MS4A4E: variants seen among roughly 807,000 people sequenced by gnomAD.
MS4A4E encodes membrane spanning 4-domains A4E.
A neutral mutation model predicts 13.3 loss-of-function variants in MS4A4E; 23 were observed. That is an observed-to-expected ratio of 1.73 (90% CI 1.25 to 2.45). The LOEUF (loss-of-function observed/expected upper bound fraction) is 2.45. Ranked by LOEUF, MS4A4E falls within the 30% of genes most tolerant of loss-of-function variation. The pLI, the probability that MS4A4E is intolerant of heterozygous loss-of-function variation, is 0.00. For missense variants in MS4A4E, 144 were observed against 131.2 expected, an observed-to-expected ratio of 1.10 and a Z score of -0.48; for synonymous variants, 36 against 45.6, an observed-to-expected ratio of 0.79 and a Z score of 0.85.
chr11:60,236,800 G>A (rs2084489288), intron 1 of MS4A4E, among the ~76,000 whole-genome samples: 1 of 151,314 alleles, frequency 6.6e-6, no homozygotes, highest in Admixed American at 6.6e-5. Flanking sequence ...GCAGTGGTGT[G>A]ATCTCAGCTC....
At chr11:60,238,852 A>G (rs1412543034) in intron 1 of MS4A4E, among the ~76,000 whole-genome samples, 1 of 152,234 alleles carries the variant, frequency 6.6e-6, no homozygotes, top group Non-Finnish European at 1.5e-5. Flanking sequence ...ATCCTACTGA[A>G]ACTATTCCTA....
intron 3 of MS4A4E, among the ~76,000 whole-genome samples, chr11:60,225,480 C>G (rs1408475148): frequency 6.6e-6 from 1 of 151,902 alleles, no homozygotes; most frequent in East Asian, 1.9e-4. Flanking sequence ...GGAGTGTATA[C>G]AAGGGAAGAA....
chr11:60,238,072 T>G lies in MS4A4E; in HGVS notation c.-17+4886A>C, dbSNP rs182531060. 1.4e-3 allele frequency among the ~76,000 whole-genome samples: 214 copies of G among 151,732 alleles called. 2 individuals are homozygous for G. The highest frequency in any genetic ancestry group is 5.0e-3 in the African/African-American group (207 of 41,420). On this transcript the variant is annotated intron_variant, in intron 1 of 8. Transcript: ENST00000651255. ...TAATCTTTTTTACATGTTGCCGAAT[T>G]CTGCTTGCTAATTTTTTTTTAGCAT...
At position 60,230,014 on chromosome 11, in the gene MS4A4E, A is replaced by T; in HGVS notation, c.42T>A (p.Ala14=). 1 of 1,613,120 alleles carries T rather than the reference A, an allele frequency of 6.2e-7. No homozygotes were observed. Among genetic ancestry groups the T allele is most frequent in the Non-Finnish European group, 8.5e-7 (1 of 1,179,516 alleles). Residue 14 remains alanine (A), a synonymous_variant, in exon 2 of 9, where the codon GCT becomes GCA. Coordinates refer to ENST00000651255, the MANE Select transcript of MS4A4E (RefSeq NM_001393391.1). ...MQGMEQTTPG[A]GPDVPQLGNI... is the part of the protein sequence containing the mutation. Reference sequence around the variant, plus strand: ...TTCCCAGCTGGGGCACATCAGGGCCAGCCCCTGGAGTGGTCTGTTCCATTC... The same window carrying T: ...TTCCCAGCTGGGGCACATCAGGGCCTGCCCCTGGAGTGGTCTGTTCCATTC...
chr11:60,234,251 T>C (rs2084451867), intron 1 of MS4A4E, among the ~76,000 whole-genome samples: 1 of 152,198 alleles, frequency 6.6e-6, no homozygotes, highest in African/African-American at 2.4e-5. Context: ...ACTTTAGACT[T>C]GATGCTAGAA....
chr11:60,236,563 T>C (rs2084485627), intron 1 of MS4A4E, among the ~76,000 whole-genome samples: 1 of 152,132 alleles, frequency 6.6e-6, no homozygotes, highest in South Asian at 2.1e-4. Flanking sequence ...GAGATTGTTG[T>C]CTTAATTTCA....
chr11:60,204,496 T>C (rs2084017039), intron 8 of MS4A4E, among the ~76,000 whole-genome samples: 1 of 152,186 alleles, frequency 6.6e-6, no homozygotes, highest in African/African-American at 2.4e-5. Flanking sequence ...ACATTTCCAA[T>C]CAAATTACTC....
intron 5 of MS4A4E, among the ~76,000 whole-genome samples, chr11:60,211,146 T>C (rs2084116210): frequency 6.6e-6 from 1 of 152,180 alleles, no homozygotes; most frequent in African/African-American, 2.4e-5. Flanking sequence ...AAAAGTAAGG[T>C]TCTTCTTCGG....
chr11:60,220,230 T>C (rs767847749), intron 3 of MS4A4E, among the ~76,000 whole-genome samples: 10 of 152,332 alleles, frequency 6.6e-5, no homozygotes, highest in Non-Finnish European at 1.3e-4. Context: ...AGAAGACAGA[T>C]GGATCTTGGA....
intron 3 of MS4A4E, among the ~76,000 whole-genome samples, chr11:60,216,038 AATACAAACTTAC>A (rs1039268223): frequency 2.4e-4 from 37 of 152,352 alleles, no homozygotes; most frequent in African/African-American, 8.9e-4. Context: ...GGCCAAGGAT[AATACAAACTTAC>A]AGCTGGCTCT....
At chr11:60,229,798 C>T (rs940438990) in intron 2 of MS4A4E, 114 bp downstream of exon 2, 2 of 1,018,050 alleles carry the variant, frequency 2.0e-6, no homozygotes, top group South Asian at 1.7e-5. Flanking sequence ...TCTGATGTTA[C>T]TAGGGCTGGT....
At chr11:60,230,337 T>G (rs2084393298) in intron 1 of MS4A4E, among the ~76,000 whole-genome samples, 1 of 152,008 alleles carries the variant, frequency 6.6e-6, no homozygotes, top group African/African-American at 2.4e-5. Context: ...TTAGAGAAAT[T>G]TCTTCAACTT....
chr11:60,201,416 G>A lies in MS4A4E; in HGVS notation c.*127C>T, dbSNP rs928110284. The A allele has an allele frequency of 5.0e-6, 1 of 198,478 alleles. No homozygotes were observed. Among genetic ancestry groups the A allele is most frequent in the Non-Finnish European group, 1.0e-5 (1 of 96,882 alleles). 12.3% of individuals were successfully genotyped at this position (198,478 alleles called of 1,614,324 possible). On this transcript the variant is annotated 3_prime_UTR_variant, in exon 9 of 9. Coordinates refer to ENST00000651255, the MANE Select transcript of MS4A4E (RefSeq NM_001393391.1). The stretch of plus-strand genomic sequence containing the variant: ...AGACGGGGCGGTTGCCAGGCGGAGG[G>A]TCTCCTCCCTTCTCAGATGGGGCGG...
intron 1 of MS4A4E, among the ~76,000 whole-genome samples, chr11:60,236,529 GT>G (rs2084484827): frequency 1.3e-5 from 2 of 151,350 alleles, no homozygotes; most frequent in South Asian, 4.2e-4. Context: ...GATAAATTTT[GT>G]TCTATTTGAA....
At chr11:60,214,526 T>C in intron 4 of MS4A4E, 45 bp downstream of exon 4, 1 of 1,365,232 alleles carries the variant, frequency 7.3e-7, no homozygotes, top group Non-Finnish European at 9.8e-7. Context: ...AATACATTAT[T>C]GATTAATCCT....
chr11:60,231,391 A>C (rs1360514519), intron 1 of MS4A4E, among the ~76,000 whole-genome samples: 2 of 152,096 alleles, frequency 1.3e-5, no homozygotes, highest in Non-Finnish European at 2.9e-5. Context: ...TAAGAATGTA[A>C]CCAAAAAGTC....
intron 3 of MS4A4E, among the ~76,000 whole-genome samples, chr11:60,218,564 G>A (rs557766765): frequency 1.3e-5 from 2 of 151,996 alleles, no homozygotes; most frequent in Non-Finnish European, 2.9e-5. Flanking sequence ...GCCAGCCAAC[G>A]CTTAGGGAAA....
At chr11:60,229,034 C>T (rs1249635476) in intron 2 of MS4A4E, among the ~76,000 whole-genome samples, 1 of 152,184 alleles carries the variant, frequency 6.6e-6, no homozygotes, top group Non-Finnish European at 1.5e-5. Flanking sequence ...GATTTGTGTA[C>T]TTTGAGTAAT....
rs111492528 is a variant in MS4A4E at position 60,215,657 on chromosome 11, C to A, written c.179-1043G>T. Reference sequence around the variant, plus strand: ...AGGACCATCTTATTAAAGTCAAAATCAAGATAAACATGTAGACTATTATGT... The same window carrying A: ...AGGACCATCTTATTAAAGTCAAAATAAAGATAAACATGTAGACTATTATGT... On this transcript the variant is annotated intron_variant, in intron 3 of 8. Transcript: ENST00000651255. Among the ~76,000 whole-genome samples the A allele has an allele frequency of 6.5e-3, 988 of 151,270 alleles. 10 individuals are homozygous for A. Among genetic ancestry groups the A allele is most frequent in the African/African-American group, 0.023 (939 of 41,358 alleles).
Sources: gnomAD v4.1 joint callset for allele counts (sites outside exome capture counted in the v4.1 genomes callset) on GRCh38, gnomAD v4.1.1 for gene constraint, MANE v1.5 for transcripts, NCBI Gene and HGNC (gene_info 2026-07-23, HGNC 2026-07-21) for gene names.